TFDP2: variants seen among roughly 807,000 people sequenced by gnomAD.
TFDP2 encodes transcription factor Dp-2, also known as transcription factor Dp-2 (E2F dimerization partner 2).
Under a neutral mutation model 59.3 loss-of-function variants are expected in TFDP2, and 17 were observed. That is an observed-to-expected ratio of 0.29 (90% CI 0.20 to 0.43). The LOEUF (loss-of-function observed/expected upper bound fraction) is 0.43, where lower values mean the gene tolerates loss of function less well. Ranked by LOEUF, TFDP2 falls within the 20% of genes least tolerant of loss-of-function variation. The pLI is 1.00. For missense variants in TFDP2, 391 were observed against 528.8 expected (o/e 0.74, Z 2.56); for synonymous variants, 180 against 194.7 (o/e 0.92, Z 0.63).
At chr3:142,131,494 A>G (rs962457116) in intron 1 of TFDP2, among the ~76,000 whole-genome samples, 1 of 150,136 alleles carries the variant, frequency 6.7e-6, no homozygotes, top group Non-Finnish European at 1.5e-5. Context: ...ATGCGAGAGT[A>G]CACCCTGTCT....
intron 4 of TFDP2, chr3:142,000,401 A>G: frequency 1.5e-6 from 1 of 677,246 alleles, no homozygotes; most frequent in Non-Finnish European, 2.7e-6. Context: ...CTCTTTTATA[A>G]GGGCACTAAT....
rs536588854 is a variant in TFDP2 at position 141,992,095 on chromosome 3, A to G, written c.356+1443T>C. On this transcript the variant is annotated intron_variant, in intron 6 of 12. Transcript: ENST00000489671. ...GAAAGAAAGAAGGAAGGAAGGAAGG[A>G]AAGAAAGAAAGAAGAAAAAAAAAGC... Among the ~76,000 whole-genome samples the G allele has an allele frequency of 1.8e-4, 27 of 150,840 alleles. No homozygotes were observed. In the South Asian group the frequency reaches 4.8e-3, roughly 27 times the overall value.
chr3:142,046,321 T>C (rs1947345455), intron 3 of TFDP2, among the ~76,000 whole-genome samples: 1 of 152,236 alleles, frequency 6.6e-6, no homozygotes, highest in Non-Finnish European at 1.5e-5. Context: ...TGTAAATATC[T>C]GAAATTTTCC....
chr3:142,097,854 C>T (rs1009119168), intron 2 of TFDP2, among the ~76,000 whole-genome samples: 1 of 150,298 alleles, frequency 6.7e-6, no homozygotes, highest in Admixed American at 6.6e-5. Flanking sequence ...GGCACGATCT[C>T]GGCTCACTGC....
chr3:142,046,108 A>C (rs1947337187), intron 3 of TFDP2, among the ~76,000 whole-genome samples: 1 of 152,186 alleles, frequency 6.6e-6, no homozygotes. Flanking sequence ...TGTGGATCTA[A>C]TGTAGGGATC....
At chr3:142,115,534 G>A (rs892555694) in intron 1 of TFDP2, among the ~76,000 whole-genome samples, 5 of 152,120 alleles carry the variant, frequency 3.3e-5, no homozygotes, top group Non-Finnish European at 5.9e-5. Context: ...TAGCCAGGAT[G>A]GTCTCGATCT....
intron 1 of TFDP2, among the ~76,000 whole-genome samples, chr3:142,109,713 T>A (rs2061590311): frequency 6.6e-6 from 1 of 152,188 alleles, no homozygotes; most frequent in Non-Finnish European, 1.5e-5. Context: ...CGTTAATTTT[T>A]AAAAAGTTAT....
intron 3 of TFDP2, among the ~76,000 whole-genome samples, chr3:142,026,726 C>T (rs1365547116): frequency 6.6e-6 from 1 of 152,186 alleles, no homozygotes; most frequent in African/African-American, 2.4e-5. Flanking sequence ...TTTTCACTTT[C>T]CTCATTATGA....
At position 141,969,063 on chromosome 3, in the gene TFDP2, C is replaced by A. The variant is rs867061878; in HGVS notation, c.732+1010G>T. 2.7e-3 allele frequency among the ~76,000 whole-genome samples: 171 copies of A among 64,334 alleles called. 19 individuals carry two copies. In the East Asian group the frequency reaches 0.03, roughly 11 times the overall value. 42.2% of individuals were successfully genotyped at this position (64,334 alleles called of 152,430 possible). A position where few individuals can be genotyped will look rare whatever the true frequency, so the allele number is the denominator to read the frequency against. ...ATAGATATATATATAACATATATAT[C>A]TCATATATATGAGATATATATATAT... is the stretch of plus-strand genomic sequence containing the variant. On this transcript the variant is annotated intron_variant, in intron 9 of 12. Transcript: ENST00000489671.
At chr3:141,984,225 G>T (rs1179774246) in intron 6 of TFDP2, among the ~76,000 whole-genome samples, 1 of 152,184 alleles carries the variant, frequency 6.6e-6, no homozygotes, top group East Asian at 1.9e-4. Flanking sequence ...TATTGGGTTG[G>T]GTGTGGTGGC....
Position 141,945,858 on chromosome 3 carries a change from G to C in TFDP2, c.*6655C>G, listed in dbSNP as rs1935191376. The C allele has an allele frequency of 6.6e-6, 1 of 152,268 alleles. No individual in the cohort carries two copies. The highest frequency in any genetic ancestry group is 2.4e-5 in the African/African-American group (1 of 41,472). The allele number at this position is 152,268 out of a possible 1,614,324, so 9.4% of individuals were successfully genotyped here. On this transcript the variant is annotated 3_prime_UTR_variant, in exon 13 of 13. Coordinates refer to ENST00000489671, the MANE Select transcript of TFDP2 (RefSeq NM_001178139.2). ...CGTTATGATTCGACAGACATGGGCA[G>C]CACCAGCTGGTGTGGTGTGGAAGGA...
At chr3:142,124,658 C>T (rs2062172080) in intron 1 of TFDP2, among the ~76,000 whole-genome samples, 1 of 152,066 alleles carries the variant, frequency 6.6e-6, no homozygotes, top group African/African-American at 2.4e-5. Context: ...GAAGATCTTT[C>T]TAAATATGAA....
chr3:142,091,072 T>C (rs759647624), intron 3 of TFDP2, among the ~76,000 whole-genome samples: 4 of 152,302 alleles, frequency 2.6e-5, no homozygotes, highest in Middle Eastern at 3.4e-3. Context: ...GAATAAGCTA[T>C]GGGTATACAA....
chr3:142,087,733 C>T (rs1490906383), intron 3 of TFDP2, among the ~76,000 whole-genome samples: 1 of 152,170 alleles, frequency 6.6e-6, no homozygotes. Flanking sequence ...AACTGCTGAG[C>T]TCAAGCAATC....
chr3:142,087,404 T>C (rs930128415), intron 3 of TFDP2, among the ~76,000 whole-genome samples: 2 of 152,152 alleles, frequency 1.3e-5, no homozygotes, highest in African/African-American at 2.4e-5. Context: ...AAACAGACTA[T>C]TATCTTATGG....
At chr3:142,148,607 C>A (rs2063261880) in intron 1 of TFDP2, among the ~76,000 whole-genome samples, 1 of 152,196 alleles carries the variant, frequency 6.6e-6, no homozygotes, top group Admixed American at 6.5e-5. Flanking sequence ...TCATCCACTT[C>A]GTTGTACTGT....
At chr3:142,094,282 G>A (rs889946295) in intron 2 of TFDP2, among the ~76,000 whole-genome samples, 9 of 150,926 alleles carry the variant, frequency 6.0e-5, no homozygotes, top group Non-Finnish European at 1.0e-4. Context: ...TCACAAGTTT[G>A]TGGTATGATA....
chr3:142,005,109 G>A (rs977282730), intron 4 of TFDP2, among the ~76,000 whole-genome samples: 5 of 152,210 alleles, frequency 3.3e-5, no homozygotes, highest in African/African-American at 9.6e-5. Context: ...GTGCAGTGGT[G>A]CAAACACGGC....
At chr3:142,001,990 G>GTTTTT (rs140582209) in intron 4 of TFDP2, among the ~76,000 whole-genome samples, 2 of 116,788 alleles carry the variant, frequency 1.7e-5, no homozygotes, top group Non-Finnish European at 3.9e-5. Context: ...ACCATGCCTG[G>GTTTTT]TTTTTTTTTT....
Sources: allele counts gnomAD v4.1 joint callset (sites outside exome capture counted in the v4.1 genomes callset), GRCh38; gene constraint gnomAD v4.1.1; transcripts MANE v1.5; gene names NCBI Gene and HGNC (gene_info 2026-07-23, HGNC 2026-07-21).